PNPLA7: variants seen among roughly 807,000 people sequenced by gnomAD.
PNPLA7 encodes the protein patatin like domain 7, lysophospholipase, also known as patatin-like phospholipase domain-containing protein 7.
A neutral mutation model predicts 161.7 loss-of-function variants in PNPLA7; 153 were observed. The ratio of observed to expected loss-of-function variants is 0.95; its 90% confidence interval spans 0.83 to 1.08. PNPLA7 has a LOEUF of 1.08. Among genes scored for constraint, PNPLA7 ranks in the 50% least tolerant of loss-of-function variants. PNPLA7 has a pLI of 0.00. For missense variants in PNPLA7, 1,739 were observed against 1,856.6 expected, an observed-to-expected ratio of 0.94 and a Z score of 1.16; for synonymous variants, 809 against 782.1, an observed-to-expected ratio of 1.03 and a Z score of -0.57.
chr9:137,487,865 G>A (rs533397579), intron 20 of PNPLA7, among the ~76,000 whole-genome samples: 4 of 152,276 alleles, frequency 2.6e-5, no homozygotes, highest in African/African-American at 9.6e-5. Context: ...AACCTGGCAC[G>A]CCCTGCGAGG....
rs371851799 is a variant in PNPLA7 at position 137,461,337 on chromosome 9, G to T, written c.3841+199C>A. 56 of 542,756 alleles carry T rather than the reference G, an allele frequency of 1.0e-4. No homozygotes were observed. In the East Asian group the frequency reaches 1.7e-3, roughly 16 times the overall value. The allele number at this position is 542,756 out of a possible 1,614,324, so 33.6% of individuals were successfully genotyped here. On this transcript the variant is annotated intron_variant, in intron 33 of 34. Transcript: ENST00000406427. The stretch of plus-strand genomic sequence containing the variant: ...AAGGGCAGGGGCTGGGTGACCCGGG[G>T]TGGTCACAGTCCCACTGCTGTGGGA...
At position 137,479,104 on chromosome 9, in the gene PNPLA7, G is replaced by C; in HGVS notation, c.2715C>G (p.His905Gln). The change falls in exon 24 of 35, where the codon CAC becomes CAG. Residue 905 changes from histidine (H) to glutamine (Q), a missense_variant. This residue lies in a region of PNPLA7 where 703 missense variants were observed against 694.6 expected (regional missense o/e 1.01). Transcript: ENST00000406427. ...NMRSWCSGHL[H>Q]LCCPRRVFSR... Reference sequence around the variant, plus strand: ...AGAAGACGCGGCGCGGGCAGCAGAGGTGCAGGTGGCCGGAGCACCAGCTCC... The same window carrying C: ...AGAAGACGCGGCGCGGGCAGCAGAGCTGCAGGTGGCCGGAGCACCAGCTCC... 1 of 1,600,556 alleles carries C rather than the reference G, an allele frequency of 6.2e-7. No individual in the cohort carries two copies. Among genetic ancestry groups the C allele is most frequent in the Non-Finnish European group, 8.5e-7 (1 of 1,174,514 alleles).
rs1048156688 is a variant in PNPLA7 at position 137,486,269 on chromosome 9, C to A, written c.2198-1533G>T. On this transcript the variant is annotated intron_variant, in intron 20 of 34. Transcript: ENST00000406427. This position sits in a 1 kb window ranked among gnomAD's most constrained non-coding sequence, Gnocchi z 6.0. ...GTGAGGGCTTAAGGGCCACTCCCTG[C>A]AGACGGCGGCCAGCGGACACCTGCA... is the stretch of plus-strand genomic sequence containing the variant. Among the ~76,000 whole-genome samples, 1 of 152,140 alleles carries A rather than the reference C, an allele frequency of 6.6e-6. No homozygotes were observed. The highest frequency in any genetic ancestry group is 2.4e-5 in the African/African-American group (1 of 41,418).
intron 15 of PNPLA7, 51 bp downstream of exon 15, chr9:137,501,599 T>C (rs556586636): frequency 3.2e-5 from 50 of 1,563,014 alleles, no homozygotes; most frequent in Non-Finnish European, 4.1e-5. Flanking sequence ...CACTTGGCAC[T>C]GGGCTATGGC....
chr9:137,522,877 A>G lies in PNPLA7; in HGVS notation c.748-20T>C. The stretch of plus-strand genomic sequence containing the variant: ...ATGGCCCTGTAACAACAGCTCCATC[A>G]GTCCCCACTCTGTGGGCCTGGCCAA... On this transcript the variant is annotated intron_variant, in intron 8 of 34. Transcript: ENST00000406427. 1 of 1,612,330 alleles carries G rather than the reference A, an allele frequency of 6.2e-7. No individual in the cohort carries two copies. Among genetic ancestry groups the G allele is most frequent in the Non-Finnish European group, 8.5e-7 (1 of 1,179,348 alleles).
rs912404706 is a variant in PNPLA7 at position 137,523,192 on chromosome 9, G to T, written c.748-335C>A. On this transcript the variant is annotated intron_variant, in intron 8 of 34. Coordinates refer to ENST00000406427, the MANE Select transcript of PNPLA7 (RefSeq NM_001098537.3). This position sits in a 1 kb window ranked among gnomAD's most constrained non-coding sequence, Gnocchi z 4.4. ...GAGGCTCACGGACCAGCTCACCAGCGTCCTACTCTACGTCCGACATCAGCG... is the reference window on the plus strand; with the variant it reads ...GAGGCTCACGGACCAGCTCACCAGCTTCCTACTCTACGTCCGACATCAGCG... Among the ~76,000 whole-genome samples the T allele has an allele frequency of 1.3e-5, 2 of 152,146 alleles. No individual in the cohort carries two copies. The highest frequency in any genetic ancestry group is 4.8e-5 in the African/African-American group (2 of 41,430).
intron 19 of PNPLA7, among the ~76,000 whole-genome samples, 158 bp from the exon 20 acceptor site, chr9:137,493,240 C>T (rs537929282): frequency 2.6e-4 from 40 of 152,350 alleles, no homozygotes; most frequent in African/African-American, 7.7e-4. Context: ...TCACAAGCCA[C>T]GTGCTGGGCC....
intron 20 of PNPLA7, among the ~76,000 whole-genome samples, chr9:137,488,236 G>A (rs569307720): frequency 6.6e-6 from 1 of 152,060 alleles, no homozygotes; most frequent in Non-Finnish European, 1.5e-5. Flanking sequence ...GTCTCGTCCC[G>A]AGCTTCGGCC....
At position 137,503,786 on chromosome 9, in the gene PNPLA7, G is replaced by GAAAAAAGAGAGAAGA. The variant is rs374070077; in HGVS notation, c.1473+1827_1473+1828insTCTTCTCTCTTTTTT. ...AAGAAAAAGAAGAAAAAAGAAAGAA[G>GAAAAAAGAGAGAAGA]AGAATGAAGAAGAAGGAAGAAGGAA... On this transcript the variant is annotated intron_variant, in intron 14 of 34. Coordinates refer to ENST00000406427, the MANE Select transcript of PNPLA7 (RefSeq NM_001098537.3). Among the ~76,000 whole-genome samples the GAAAAAAGAGAGAAGA allele has an allele frequency of 1.2e-3, 4 of 3,348 alleles. 1 individual carries two copies. The highest frequency in any genetic ancestry group is 9.3e-3 in the African/African-American group (3 of 324). 2.2% of individuals were successfully genotyped at this position (3,348 alleles called of 152,430 possible). A position where few individuals can be genotyped will look rare whatever the true frequency, so the allele number is the denominator to read the frequency against.
At position 137,537,346 on chromosome 9, in the gene PNPLA7, T is replaced by A. The variant is rs1835947858; in HGVS notation, c.747+3296A>T. Among the ~76,000 whole-genome samples, 1 of 151,308 alleles carries A rather than the reference T, an allele frequency of 6.6e-6. No individual in the cohort carries two copies. Reference sequence around the variant, plus strand: ...TTTTTTTTTTGAGACAGAGTTGGAGTGTCACTCTGTCACCAGGCTGGAGTG... The same window carrying A: ...TTTTTTTTTTGAGACAGAGTTGGAGAGTCACTCTGTCACCAGGCTGGAGTG... On this transcript the variant is annotated intron_variant, in intron 8 of 34. Transcript: ENST00000406427. The surrounding 1 kb of genome is among the most constrained non-coding windows in gnomAD (Gnocchi z 4.5).
At chr9:137,511,485 C>T (rs541449397) in intron 12 of PNPLA7, among the ~76,000 whole-genome samples, 22 of 149,894 alleles carry the variant, frequency 1.5e-4, no homozygotes, top group South Asian at 8.5e-4. Context: ...CTTGGTCTGG[C>T]GGTAGCACCA....
chr9:137,519,323 C>T lies in PNPLA7; in HGVS notation c.1084+594G>A, dbSNP rs567458824. Among the ~76,000 whole-genome samples, 5 of 152,340 alleles carry T rather than the reference C, an allele frequency of 3.3e-5. No homozygotes were observed. The South Asian group carries it at 1.0e-3, about 32-fold the overall frequency. On this transcript the variant is annotated intron_variant, in intron 11 of 34. Transcript: ENST00000406427. Reference sequence around the variant, plus strand: ...CGACCGCTTCCTCCTCAGATTCAGGCCCCCCGGTTAGCACTCAGAACAGCG... The same window carrying T: ...CGACCGCTTCCTCCTCAGATTCAGGTCCCCCGGTTAGCACTCAGAACAGCG...
intron 32 of PNPLA7, 133 bp downstream of exon 32, chr9:137,461,797 TG>T: frequency 1.7e-6 from 2 of 1,199,446 alleles, no homozygotes; most frequent in Non-Finnish European, 2.3e-6. Context: ...GTCCTGGCCC[TG>T]GAGTCTTTGG....
chr9:137,462,648 C>T (rs1300168115), intron 30 of PNPLA7, 37 bp downstream of exon 30: 2 of 1,606,928 alleles, frequency 1.2e-6, no homozygotes, highest in Non-Finnish European at 1.7e-6. Flanking sequence ...CAGGGAGGAG[C>T]AGCAGGGACA....
intron 29 of PNPLA7, chr9:137,463,198 G>C: frequency 1.7e-6 from 1 of 597,514 alleles, no homozygotes; most frequent in Non-Finnish European, 3.0e-6. Context: ...AGGGCCATAT[G>C]CTGGAGCACA....
Position 137,461,561 on chromosome 9 carries a change from C to G in PNPLA7, c.3816G>C (p.Glu1272Asp), listed in dbSNP as rs1831197599. 6.2e-7 allele frequency: 1 copy of G among 1,612,238 alleles called. No individual in the cohort carries two copies. The highest frequency in any genetic ancestry group is 8.5e-7 in the Non-Finnish European group (1 of 1,179,476). ...TDLAEIVSRI[E>D]PAKPAMVDDE... ...CATCCACCATGGCGGGCTTGGCGGGCTCAATGCGAGACACAATTTCGGCAA... is the reference window on the plus strand; with the variant it reads ...CATCCACCATGGCGGGCTTGGCGGGGTCAATGCGAGACACAATTTCGGCAA... The change falls in exon 33 of 35, where the codon GAG (glutamate) becomes GAC (aspartate). Residue 1272 changes from glutamate (E) to aspartate (D), a missense_variant. By Grantham distance (45) the Glu-to-Asp change is conservative (BLOSUM62 2). Coordinates refer to ENST00000406427, the MANE Select transcript of PNPLA7 (RefSeq NM_001098537.3).
intron 25 of PNPLA7, among the ~76,000 whole-genome samples, chr9:137,471,573 G>A (rs1475879630): frequency 6.7e-6 from 1 of 149,884 alleles, no homozygotes; most frequent in African/African-American, 2.5e-5. Flanking sequence ...ACTCCAGCCT[G>A]GGTAACAGAG....
intron 21 of PNPLA7, 124 bp from the exon 22 acceptor site, chr9:137,481,147 G>A: frequency 2.0e-6 from 2 of 986,760 alleles, no homozygotes; most frequent in Non-Finnish European, 3.1e-6. Flanking sequence ...AGGCACCAAG[G>A]AGGAGGAAGG....
In PNPLA7 at chr9:137,547,667, A is replaced by G; in HGVS notation, c.31-8T>C. 6.2e-7 allele frequency: 1 copy of G among 1,612,840 alleles called. No individual in the cohort carries two copies. The highest frequency in any genetic ancestry group is 8.5e-7 in the Non-Finnish European group (1 of 1,179,758). ...GCCCAGGCAGAAGTCAGCCTGCAGC[A>G]GAGAGCATGGGGTCAGGTGGGCATG... On this transcript the variant is annotated splice_region_variant and splice_polypyrimidine_tract_variant and intron_variant, in intron 1 of 34. Coordinates refer to ENST00000406427, the MANE Select transcript of PNPLA7 (RefSeq NM_001098537.3). The surrounding 1 kb of genome is among the most constrained non-coding windows in gnomAD (Gnocchi z 4.6).
Sources: gnomAD v4.1 joint callset for allele counts (sites outside exome capture counted in the v4.1 genomes callset) on GRCh38, gnomAD v4.1.1 for gene constraint, gnomAD v4.1.1 regional missense constraint, Gnocchi (gnomAD v3.1) non-coding constraint, MANE v1.5 for transcripts, NCBI Gene and HGNC (gene_info 2026-07-23, HGNC 2026-07-21) for gene names.